The following IL1RAPL2 variants were observed in gnomAD, a reference collection of about 807,000 sequenced individuals.
The protein encoded by IL1RAPL2 is interleukin 1 receptor accessory protein like 2, also known as X-linked interleukin-1 receptor accessory protein-like 2.
A neutral mutation model predicts 44.1 loss-of-function variants in IL1RAPL2; 3 were observed. That is an observed-to-expected ratio of 0.07 (90% confidence interval 0.03 to 0.18). The LOEUF (loss-of-function observed/expected upper bound fraction) is 0.18, where lower values mean the gene tolerates loss of function less well. Ranked by LOEUF, IL1RAPL2 falls within the 10% of genes least tolerant of loss-of-function variation. The pLI, the probability that IL1RAPL2 is intolerant of heterozygous loss-of-function variation, is 1.00. For missense variants in IL1RAPL2, 391 were observed against 496.4 expected (o/e 0.79, Z 2.02); for synonymous variants, 181 against 178.8 (o/e 1.01, Z -0.10).
At chrX:105,052,868 G>C (rs1056459353) in intron 2 of IL1RAPL2, among the ~76,000 whole-genome samples, 1 of 110,355 alleles carries the variant, frequency 9.1e-6, no homozygotes, top group East Asian at 2.9e-4. Context: ...TAATGCTTTC[G>C]CTCCACTTGA....
chrX:104,599,470 A>T (rs148466349), intron 1 of IL1RAPL2, among the ~76,000 whole-genome samples: 3,095 of 107,016 alleles, frequency 0.029, 131 homozygotes, highest in African/African-American at 0.1. Flanking sequence ...CTGATCTCGA[A>T]CTCCTGGGCT....
chrX:104,889,899 A>G lies in IL1RAPL2; in HGVS notation c.82+230904A>G, dbSNP rs143093072. Among the ~76,000 whole-genome samples, 713 of 111,257 alleles carry G rather than the reference A, an allele frequency of 6.4e-3. 3 individuals carry two copies. Among genetic ancestry groups the G allele is most frequent in the African/African-American group, 0.022 (678 of 30,520 alleles). ...TGTGTCATGTTGGTGTGCTGCACCT[A>G]TTAAGTCGTCATTTACATTAGGTGT... On this transcript the variant is annotated intron_variant, in intron 2 of 10. Transcript: ENST00000372582.
chrX:104,619,132 C>T (rs1245955199), intron 1 of IL1RAPL2, among the ~76,000 whole-genome samples: 1 of 112,104 alleles, frequency 8.9e-6, no homozygotes, highest in Non-Finnish European at 1.9e-5. Flanking sequence ...ACAGTTCTGG[C>T]TGTGGATGTC....
chrX:105,291,156 G>T (rs1389458059), intron 5 of IL1RAPL2, among the ~76,000 whole-genome samples: 4 of 112,128 alleles, frequency 3.6e-5, no homozygotes, highest in African/African-American at 1.3e-4. Flanking sequence ...AATTGAGTTT[G>T]TTGGAAGTTT....
At chrX:104,614,160 T>C (rs1444203460) in intron 1 of IL1RAPL2, among the ~76,000 whole-genome samples, 1 of 111,521 alleles carries the variant, frequency 9.0e-6, no homozygotes, top group Non-Finnish European at 1.9e-5. Flanking sequence ...GTTTTGTTGA[T>C]TCTTCATATG....
At chrX:104,758,472 T>C (rs1247277258) in intron 2 of IL1RAPL2, among the ~76,000 whole-genome samples, 1 of 111,346 alleles carries the variant, frequency 9.0e-6, no homozygotes, top group Non-Finnish European at 1.9e-5. Flanking sequence ...GACTCAGACA[T>C]AGCTAAAGGG....
chrX:105,658,378 T>C (rs2037691700), intron 6 of IL1RAPL2, among the ~76,000 whole-genome samples: 1 of 112,280 alleles, frequency 8.9e-6, no homozygotes, highest in Non-Finnish European at 1.9e-5. Flanking sequence ...CAGATATGAC[T>C]ATAGTTACAA....
At chrX:105,515,996 T>G (rs533799285) in intron 6 of IL1RAPL2, among the ~76,000 whole-genome samples, 1 of 111,851 alleles carries the variant, frequency 8.9e-6, no homozygotes, top group South Asian at 3.7e-4. Context: ...CTGAAGAAGT[T>G]GTATGGCTGT....
At chrX:104,835,503 G>C (rs1921719271) in intron 2 of IL1RAPL2, among the ~76,000 whole-genome samples, 1 of 111,563 alleles carries the variant, frequency 9.0e-6, no homozygotes, top group Admixed American at 9.5e-5. Flanking sequence ...CTTCCTAATT[G>C]CTTGATGTAT....
intron 2 of IL1RAPL2, among the ~76,000 whole-genome samples, chrX:105,020,297 T>C (rs772102842): frequency 3.6e-5 from 4 of 111,516 alleles, no homozygotes; most frequent in African/African-American, 1.3e-4. Context: ...GGCAGTGTCT[T>C]AACCTCGTTA....
At chrX:105,162,633 A>C (rs1209424694) in intron 2 of IL1RAPL2, among the ~76,000 whole-genome samples, 7 of 112,495 alleles carry the variant, frequency 6.2e-5, no homozygotes, top group African/African-American at 1.9e-4. Context: ...ATACATACAC[A>C]CGCACTTACG....
intron 2 of IL1RAPL2, among the ~76,000 whole-genome samples, chrX:105,148,491 T>C (rs1373433818): frequency 8.9e-6 from 1 of 112,067 alleles, no homozygotes; most frequent in Non-Finnish European, 1.9e-5. Flanking sequence ...AGCATTTTAT[T>C]GATATTTAGA....
At chrX:105,208,188 AG>A (rs2033780215) in intron 3 of IL1RAPL2, among the ~76,000 whole-genome samples, 1 of 111,819 alleles carries the variant, frequency 8.9e-6, no homozygotes, top group South Asian at 3.8e-4. Context: ...TGCTTTATGA[AG>A]GTTTCAGATG....
chrX:105,160,854 T>C (rs1602984785), intron 2 of IL1RAPL2, among the ~76,000 whole-genome samples: 1 of 112,025 alleles, frequency 8.9e-6, no homozygotes, highest in African/African-American at 3.2e-5. Context: ...GAATATCTTA[T>C]TGAAAATTTG....
chrX:105,030,701 T>A (rs777918437), intron 2 of IL1RAPL2, among the ~76,000 whole-genome samples: 1 of 112,087 alleles, frequency 8.9e-6, no homozygotes, highest in South Asian at 3.7e-4. Flanking sequence ...CTTTGTTCTT[T>A]TGGCATAGGA....
At chrX:105,078,096 G>A (rs1275001042) in intron 2 of IL1RAPL2, among the ~76,000 whole-genome samples, 1 of 111,932 alleles carries the variant, frequency 8.9e-6, no homozygotes, top group Non-Finnish European at 1.9e-5. Context: ...TCCTTTGGAG[G>A]AGGAGAGGCA....
chrX:105,334,206 T>A (rs2035010826), intron 5 of IL1RAPL2, among the ~76,000 whole-genome samples: 1 of 112,025 alleles, frequency 8.9e-6, no homozygotes, highest in Admixed American at 9.5e-5. Context: ...TGAAATCCTA[T>A]TATTTGCAGC....
chrX:104,666,142 A>AGT (rs1479592491), intron 2 of IL1RAPL2, among the ~76,000 whole-genome samples: 1 of 110,582 alleles, frequency 9.0e-6, no homozygotes, highest in Non-Finnish European at 1.9e-5. Context: ...AGAGAGAGAG[A>AGT]GATCAGCAGC....
At chrX:105,077,723 C>T (rs2032332104) in intron 2 of IL1RAPL2, among the ~76,000 whole-genome samples, 1 of 111,799 alleles carries the variant, frequency 8.9e-6, no homozygotes, top group Non-Finnish European at 1.9e-5. Flanking sequence ...TCCCATATTT[C>T]TTGGAGGCGT....
Sources: gnomAD v4.1 joint callset for allele counts (sites outside exome capture counted in the v4.1 genomes callset) on GRCh38, gnomAD v4.1.1 for gene constraint, MANE v1.5 for transcripts, NCBI Gene and HGNC (gene_info 2026-07-23, HGNC 2026-07-21) for gene names.